Variants in SIPA1L2 observed in about 807,000 individuals in gnomAD.
The protein encoded by SIPA1L2 is signal-induced proliferation-associated 1-like protein 2.
In SIPA1L2, 56 loss-of-function variants were observed where a neutral mutation model predicts 163.9. That is an observed-to-expected ratio of 0.34 (90% CI 0.28 to 0.43). The LOEUF (loss-of-function observed/expected upper bound fraction) is 0.43, where lower values mean the gene tolerates loss of function less well. Ranked by LOEUF, SIPA1L2 falls within the 20% of genes least tolerant of loss-of-function variation. SIPA1L2 has a pLI of 1.00. For missense variants in SIPA1L2, 1,974 were observed against 2,193.5 expected (o/e 0.90, Z 2.00); for synonymous variants, 877 against 865.7 (o/e 1.01, Z -0.23).
At chr1:232,467,668 T>G (rs1468141700) in intron 8 of SIPA1L2, among the ~76,000 whole-genome samples, 1 of 152,238 alleles carries the variant, frequency 6.6e-6, no homozygotes, top group East Asian at 1.9e-4. Context: ...TTTGGTTCTC[T>G]CTTTCAACAG....
chr1:232,415,540 T>G lies in SIPA1L2; in HGVS notation c.4716A>C (p.Thr1572=), dbSNP rs955542735. ...PGLMPLPDTA[T]GLDWTHLVDA... Reference sequence around the variant, plus strand: ...CCACGAGGTGGGTCCAATCTAACCCTGTGGCTGTGTCCGGGAGGGGCATCA... The same window carrying G: ...CCACGAGGTGGGTCCAATCTAACCCGGTGGCTGTGTCCGGGAGGGGCATCA... Residue 1572 remains threonine, a synonymous_variant, in exon 19 of 23, where the codon ACA becomes ACC. Coordinates refer to ENST00000674635, the MANE Select transcript of SIPA1L2 (RefSeq NM_020808.5). 6.2e-7 allele frequency: 1 copy of G among 1,613,684 alleles called. No homozygotes were observed. The highest frequency in any genetic ancestry group is 1.3e-5 in the African/African-American group (1 of 74,918).
chr1:232,521,499 T>C (rs926901647), intron 2 of SIPA1L2, among the ~76,000 whole-genome samples: 1 of 152,326 alleles, frequency 6.6e-6, no homozygotes, highest in East Asian at 1.9e-4. Context: ...AATGGAGCTC[T>C]TGGGTGACTC....
chr1:232,618,668 A>C (rs969164169), intron 1 of SIPA1L2, among the ~76,000 whole-genome samples: 4 of 151,992 alleles, frequency 2.6e-5, no homozygotes, highest in Admixed American at 6.6e-5. Context: ...AAAAAAAAAA[A>C]AACTCTTGTT....
At chr1:232,506,021 G>A (rs1302933556) in intron 3 of SIPA1L2, among the ~76,000 whole-genome samples, 1 of 152,140 alleles carries the variant, frequency 6.6e-6, no homozygotes, top group Non-Finnish European at 1.5e-5. Flanking sequence ...CATTTGATAT[G>A]TAAAGGTGTA....
intron 2 of SIPA1L2, among the ~76,000 whole-genome samples, chr1:232,525,555 C>A (rs959114806): frequency 2.6e-5 from 4 of 151,974 alleles, no homozygotes; most frequent in Admixed American, 2.0e-4. Context: ...CACACCCGGC[C>A]AATAATATTT....
At chr1:232,468,558 A>G (rs956496902) in intron 8 of SIPA1L2, among the ~76,000 whole-genome samples, 2 of 152,232 alleles carry the variant, frequency 1.3e-5, no homozygotes, top group East Asian at 1.9e-4. Context: ...AGGATGATAG[A>G]AAATAATGCA....
chr1:232,490,130 C>T (rs994836138), intron 5 of SIPA1L2, among the ~76,000 whole-genome samples: 1 of 152,156 alleles, frequency 6.6e-6, no homozygotes, highest in Admixed American at 6.5e-5. Context: ...CTTGGCCTAG[C>T]ATACCAGGTC....
At position 232,465,138 on chromosome 1, in the gene SIPA1L2, A is replaced by G. The variant is rs1243171492; in HGVS notation, c.2522T>C (p.Val841Ala). ...ITLGAKKKEK[V>A]KPRKDAHLFS... ...CAAGTGGGCATCCTTCCTTGGCTTT[A>G]CCTTCTCCTTTTTCTTCGCACCCAG... Residue 841 changes from valine to alanine, a missense_variant, in exon 9 of 23, where the codon GTA (valine) becomes GCA (alanine). Coordinates refer to ENST00000674635, the MANE Select transcript of SIPA1L2 (RefSeq NM_020808.5). This position sits in a 1 kb window ranked among gnomAD's most constrained non-coding sequence, Gnocchi z 4.1. 2 of 1,614,124 alleles carry G rather than the reference A, an allele frequency of 1.2e-6. No individual in the cohort carries two copies. The highest frequency in any genetic ancestry group is 3.3e-5 in the Admixed American group (2 of 60,016).
intron 3 of SIPA1L2, among the ~76,000 whole-genome samples, chr1:232,511,841 A>C (rs1666993292): frequency 6.6e-6 from 1 of 152,246 alleles, no homozygotes. Flanking sequence ...CTAAAACAGC[A>C]AAAGCAATGA....
intron 1 of SIPA1L2, among the ~76,000 whole-genome samples, chr1:232,597,310 T>G (rs557753878): frequency 6.6e-6 from 1 of 151,822 alleles, no homozygotes; most frequent in African/African-American, 2.4e-5. Context: ...AAGGTGGGGA[T>G]AGTGAACTGG....
intron 3 of SIPA1L2, among the ~76,000 whole-genome samples, chr1:232,505,765 G>A (rs565898491): frequency 1.2e-3 from 184 of 152,298 alleles, no homozygotes; most frequent in Admixed American, 2.6e-3. Context: ...CGGGACCTCC[G>A]TTTGGGGAGG....
intron 18 of SIPA1L2, among the ~76,000 whole-genome samples, chr1:232,421,817 T>C (rs934722921): frequency 5.3e-5 from 8 of 152,264 alleles, no homozygotes; most frequent in South Asian, 2.1e-4. Context: ...TTCTTTGTGA[T>C]GTGCGTAGGT....
At chr1:232,416,681 CT>C (rs1339768394) in intron 18 of SIPA1L2, among the ~76,000 whole-genome samples, 1 of 152,160 alleles carries the variant, frequency 6.6e-6, no homozygotes, top group African/African-American at 2.4e-5. Flanking sequence ...ACCAACTTTG[CT>C]TTTATCAATA....
chr1:232,499,668 C>T (rs10910544), intron 3 of SIPA1L2, among the ~76,000 whole-genome samples: 56,216 of 152,100 alleles, frequency 0.37, 11,599 homozygotes, highest in East Asian at 0.72. Context: ...TTAGGTAAGA[C>T]AACAGATGAC....
chr1:232,604,986 C>T (rs921941043), intron 1 of SIPA1L2, among the ~76,000 whole-genome samples: 2 of 152,136 alleles, frequency 1.3e-5, no homozygotes, highest in African/African-American at 4.8e-5. Flanking sequence ...TTATAAATTA[C>T]CCAGTCTCAG....
chr1:232,550,927 G>GT (rs367638566), intron 2 of SIPA1L2, among the ~76,000 whole-genome samples: 33 of 152,312 alleles, frequency 2.2e-4, no homozygotes, highest in African/African-American at 7.7e-4. Flanking sequence ...TTAAAGCAGA[G>GT]TGCCATTGAG....
At position 232,418,993 on chromosome 1, in the gene SIPA1L2, C is replaced by T. The variant is rs567861000; in HGVS notation, c.4631-3368G>A. On this transcript the variant is annotated intron_variant, in intron 18 of 22. Transcript: ENST00000674635. The stretch of plus-strand genomic sequence containing the variant: ...GCCCTGCTCTCATGAAGCTTTACAT[C>T]AAAGAAAAGACAATAAATGAATAAA... 8.5e-5 allele frequency among the ~76,000 whole-genome samples: 13 copies of T among 152,180 alleles called. No individual in the cohort carries two copies. In the South Asian group the frequency reaches 2.7e-3, roughly 32 times the overall value.
intron 1 of SIPA1L2, among the ~76,000 whole-genome samples, chr1:232,618,766 T>C (rs1291732842): frequency 6.6e-6 from 1 of 152,016 alleles, no homozygotes; most frequent in Non-Finnish European, 1.5e-5. Context: ...ACAAAACACA[T>C]GACCTTGAGT....
Position 232,514,642 on chromosome 1 carries a change from A to C in SIPA1L2, c.698T>G (p.Phe233Cys), listed in dbSNP as rs1558236904. The change falls in exon 3 of 23, where the codon TTT becomes TGT. Residue 233 changes from phenylalanine to cysteine, a missense_variant. Transcript: ENST00000674635. ...KAMVPFGFPEFFRCDPAISPS... is the reference protein window; with the variant it reads ...KAMVPFGFPECFRCDPAISPS... ...AGAGATTGCAGGGTCACAGCGGAAA[A>C]ATTCAGGGAACCCAAAAGGGACCAT... 2 of 1,614,140 alleles carry C rather than the reference A, an allele frequency of 1.2e-6. No homozygotes were observed. The highest frequency in any genetic ancestry group is 1.7e-6 in the Non-Finnish European group (2 of 1,180,020).
Sources: gnomAD v4.1 joint callset for allele counts (sites outside exome capture counted in the v4.1 genomes callset) on GRCh38, gnomAD v4.1.1 for gene constraint, Gnocchi (gnomAD v3.1) non-coding constraint, MANE v1.5 for transcripts, NCBI Gene and HGNC (gene_info 2026-07-23, HGNC 2026-07-21) for gene names.